The following DAPK1 variants were observed in gnomAD, a reference collection of about 807,000 sequenced individuals.
DAPK1 encodes death associated protein kinase 1.
Under a neutral mutation model 144.9 loss-of-function variants are expected in DAPK1, and 56 were observed. That is an observed-to-expected ratio of 0.39 (90% CI 0.31 to 0.48). DAPK1 has a LOEUF of 0.48. Among genes scored for constraint, DAPK1 ranks in the 20% least tolerant of loss-of-function variants. The probability of loss-of-function intolerance (pLI) is 0.95; values close to 1 mark genes in which losing one functional copy is unlikely to be tolerated. For synonymous variants in DAPK1, 690 were observed against 749.0 expected (o/e 0.92, Z 1.29); for missense variants, 1,454 against 1,875.4 (o/e 0.78, Z 4.15).
At chr9:87,511,194 T>A (rs1357338690) in intron 2 of DAPK1, among the ~76,000 whole-genome samples, 1 of 152,176 alleles carries the variant, frequency 6.6e-6, no homozygotes, top group African/African-American at 2.4e-5. Flanking sequence ...AAGTTTGCCT[T>A]TGCTTGTCTG....
At chr9:87,680,838 G>A (rs1010358916) in intron 19 of DAPK1, among the ~76,000 whole-genome samples, 1 of 152,176 alleles carries the variant, frequency 6.6e-6, no homozygotes, top group African/African-American at 2.4e-5. Flanking sequence ...CCTTTTGGGG[G>A]TGACACAAAT....
intron 19 of DAPK1, among the ~76,000 whole-genome samples, chr9:87,680,774 G>A (rs1173830110): frequency 1.3e-5 from 2 of 152,114 alleles, no homozygotes; most frequent in African/African-American, 2.4e-5. Flanking sequence ...GGTTGCCAGG[G>A]GCTGAGCAAA....
chr9:87,547,306 C>G (rs1826285617), intron 2 of DAPK1, among the ~76,000 whole-genome samples: 1 of 152,122 alleles, frequency 6.6e-6, no homozygotes, highest in African/African-American at 2.4e-5. Context: ...CTTCACAAAC[C>G]TGTTACTGGC....
chr9:87,648,925 T>A (rs757837243), intron 15 of DAPK1, 46 bp downstream of exon 15: 9 of 1,508,894 alleles, frequency 6.0e-6, no homozygotes, highest in Non-Finnish European at 8.3e-6. Flanking sequence ...TATACATGAA[T>A]GTACAGGCAG....
At chr9:87,571,600 G>T (rs933052380) in intron 2 of DAPK1, among the ~76,000 whole-genome samples, 1 of 151,648 alleles carries the variant, frequency 6.6e-6, no homozygotes, top group East Asian at 1.9e-4. Context: ...CTGTCTCCTT[G>T]CAAACGTTCC....
At chr9:87,591,131 G>A (rs1828118018) in intron 2 of DAPK1, among the ~76,000 whole-genome samples, 1 of 152,212 alleles carries the variant, frequency 6.6e-6, no homozygotes, top group African/African-American at 2.4e-5. Context: ...AAAGCAATTA[G>A]CCTCTAGGAG....
chr9:87,677,829 C>T (rs1007019747), intron 19 of DAPK1, among the ~76,000 whole-genome samples: 2 of 152,172 alleles, frequency 1.3e-5, no homozygotes, highest in South Asian at 2.1e-4. Flanking sequence ...AGGGCTGCTG[C>T]GGAAGGCTGG....
At chr9:87,672,773 C>A (rs368810620) in intron 19 of DAPK1, among the ~76,000 whole-genome samples, 2 of 152,152 alleles carry the variant, frequency 1.3e-5, no homozygotes, top group African/African-American at 4.8e-5. Flanking sequence ...TGGGCACACC[C>A]GGTACTGGAA....
intron 2 of DAPK1, among the ~76,000 whole-genome samples, chr9:87,554,823 A>G (rs1411915590): frequency 6.6e-6 from 1 of 152,110 alleles, no homozygotes; most frequent in Non-Finnish European, 1.5e-5. Context: ...CCCCCACCGG[A>G]GGTCTGAGAG....
chr9:87,581,069 G>A (rs1019304400), intron 2 of DAPK1, among the ~76,000 whole-genome samples: 1 of 152,184 alleles, frequency 6.6e-6, no homozygotes, highest in Non-Finnish European at 1.5e-5. Flanking sequence ...ACTTATCTGA[G>A]TTCTCTCCGC....
intron 3 of DAPK1, among the ~76,000 whole-genome samples, chr9:87,624,881 C>G (rs1429480736): frequency 6.6e-6 from 1 of 152,084 alleles, no homozygotes; most frequent in Non-Finnish European, 1.5e-5. Flanking sequence ...AAGAAAACAC[C>G]CAGGGAGCAT....
At chr9:87,678,616 GC>G (rs1158497686) in intron 19 of DAPK1, among the ~76,000 whole-genome samples, 1 of 152,196 alleles carries the variant, frequency 6.6e-6, no homozygotes, top group East Asian at 1.9e-4. Context: ...ATTAAATACT[GC>G]CCCCAAAACC....
chr9:87,619,304 G>A (rs547293653), intron 3 of DAPK1, among the ~76,000 whole-genome samples: 2 of 152,294 alleles, frequency 1.3e-5, no homozygotes, highest in African/African-American at 4.8e-5. Flanking sequence ...AGTGGACTGT[G>A]AGCTTCCTGA....
intron 3 of DAPK1, among the ~76,000 whole-genome samples, chr9:87,611,686 C>CT (rs1416333957): frequency 6.6e-6 from 1 of 152,160 alleles, no homozygotes; most frequent in African/African-American, 2.4e-5. Flanking sequence ...ACCTCCTGGG[C>CT]TTATGCAGCC....
chr9:87,647,259 G>A lies in DAPK1; in HGVS notation c.1231-46G>A, dbSNP rs907212162. On this transcript the variant is annotated intron_variant, in intron 13 of 25. Transcript: ENST00000408954. Reference sequence around the variant, plus strand: ...AGTCTGAGGAATGCATGCATCTGGTGCTGTCAGCTCCCTAGAAATGTGACC... The same window carrying A: ...AGTCTGAGGAATGCATGCATCTGGTACTGTCAGCTCCCTAGAAATGTGACC... The A allele has an allele frequency of 2.7e-6, 4 of 1,469,742 alleles. No homozygotes were observed. In the East Asian group the frequency reaches 9.1e-5, roughly 33 times the overall value. The allele number at this position is 1,469,742 out of a possible 1,614,324, so 91.0% of individuals were successfully genotyped here. A position where few individuals can be genotyped will look rare whatever the true frequency, so the allele number is the denominator to read the frequency against.
chr9:87,596,499 T>C (rs987132368), intron 2 of DAPK1, among the ~76,000 whole-genome samples: 1 of 152,200 alleles, frequency 6.6e-6, no homozygotes, highest in African/African-American at 2.4e-5. Context: ...CCCTCCTAAA[T>C]GATGCAGCAC....
chr9:87,622,054 C>A (rs1462464288), intron 3 of DAPK1, among the ~76,000 whole-genome samples: 1 of 146,368 alleles, frequency 6.8e-6, no homozygotes, highest in Non-Finnish European at 1.5e-5. Flanking sequence ...CTGCCTTGCA[C>A]TTTTTTTTTT....
Position 87,706,827 on chromosome 9 carries a change from C to A in DAPK1, c.3756C>A (p.Tyr1252Ter), listed in dbSNP as rs1358334841. Reference sequence around the variant, plus strand: ...AGCACCATGAGCCCGTCATGATCTACCAGCCACGGGACTTCTTCCGGGCAC... The same window carrying A: ...AGCACCATGAGCCCGTCATGATCTAACAGCCACGGGACTTCTTCCGGGCAC... The part of the protein sequence containing the change: ...LREHHEPVMI[Y>*]QPRDFFRAQT... The change falls in exon 26 of 26, where the codon TAC becomes TAA. Residue 1252 changes from tyrosine to a stop codon, truncating the protein, a stop_gained. Coordinates refer to ENST00000408954, the MANE Select transcript of DAPK1 (RefSeq NM_004938.4). LOFTEE classifies it high-confidence loss of function. The surrounding 1 kb of genome is among the most constrained non-coding windows in gnomAD (Gnocchi z 9.0). 6.2e-7 allele frequency: 1 copy of A among 1,613,666 alleles called. No individual in the cohort carries two copies. The highest frequency in any genetic ancestry group is 8.5e-7 in the Non-Finnish European group (1 of 1,179,964).
chr9:87,513,547 C>CT (rs1286480335), intron 2 of DAPK1, among the ~76,000 whole-genome samples: 1 of 152,150 alleles, frequency 6.6e-6, no homozygotes, highest in Non-Finnish European at 1.5e-5. Context: ...GACAAGGAAA[C>CT]TAAGATTTGC....
Sources: gnomAD v4.1 joint callset for allele counts (sites outside exome capture counted in the v4.1 genomes callset) on GRCh38, gnomAD v4.1.1 for gene constraint, Gnocchi (gnomAD v3.1) non-coding constraint, MANE v1.5 for transcripts, NCBI Gene and HGNC (gene_info 2026-07-23, HGNC 2026-07-21) for gene names.